FANCF: variants seen among roughly 807,000 people sequenced by gnomAD.
The protein encoded by FANCF is FA complementation group F, also known as Fanconi anemia group F protein.
For missense variants in FANCF, 552 were observed against 481.8 expected (o/e 1.15, Z -1.36); for synonymous variants, 257 against 205.9 (o/e 1.25, Z -2.13).
At position 22,622,681 on chromosome 11, in the gene FANCF, G is replaced by C. The variant is rs1858575893; in HGVS notation, c.*2005C>G. 5.3e-6 allele frequency: 1 copy of C among 189,000 alleles called. No homozygotes were observed. The highest frequency in any genetic ancestry group is 1.1e-5 in the Non-Finnish European group (1 of 90,122). The allele number at this position is 189,000 out of a possible 1,614,324, so 11.7% of individuals were successfully genotyped here. On this transcript the variant is annotated 3_prime_UTR_variant, in exon 1 of 1. Coordinates refer to ENST00000327470, the MANE Select transcript of FANCF (RefSeq NM_022725.4). ...TGCTGGACACTGTGCTAGGCTTCTG[G>C]AAATAAAATAAATGACAGATACGGC...
rs752559736 is a variant in FANCF, at chr11:22,625,421, T to C, written c.390A>G (p.Gln130=). ...GVRDADEETL[Q]ESLARLARRR... Reference sequence around the variant, plus strand: ...GGCGGGCAAGGCGGGCCAGGCTCTCTTGGAGTGTCTCCTCATCGGCGTCCC... The same window carrying C: ...GGCGGGCAAGGCGGGCCAGGCTCTCCTGGAGTGTCTCCTCATCGGCGTCCC... Residue 130 remains glutamine, a synonymous_variant, in exon 1 of 1, where the codon CAA becomes CAG. Transcript: ENST00000327470. 2 of 1,614,116 alleles carry C rather than the reference T, an allele frequency of 1.2e-6. No individual in the cohort carries two copies. The highest frequency in any genetic ancestry group is 1.7e-6 in the Non-Finnish European group (2 of 1,179,956).
chr11:22,624,775 T>A lies in FANCF; in HGVS notation c.1036A>T (p.Ile346Phe). The change falls in exon 1 of 1, where the codon ATC (isoleucine) becomes TTC (phenylalanine). Residue 346 changes from isoleucine (I) to phenylalanine (F), a missense_variant. Ile to Phe is a conservative substitution (Grantham distance 21). Transcript: ENST00000327470. ...AGAGCTAATAAGAGGTCTGTCCAGA[T>A]GCTAAGACCAGGTACTTCAAAATCT... ...DGDFEVPGLS[I>F]WTDLLLALRS... 3 of 1,614,180 alleles carry A rather than the reference T, an allele frequency of 1.9e-6. No individual in the cohort carries two copies. Among genetic ancestry groups the A allele is most frequent in the Non-Finnish European group, 2.5e-6 (3 of 1,180,026 alleles).
Position 22,625,068 on chromosome 11 carries a change from A to G in FANCF, c.743T>C (p.Phe248Ser). ...TGGGAGGGCGCGACAAAAGGCAGCA[A>G]AGACTTCCGAATTCCCCAGAAGCCA... Reference protein sequence around the residue: ...VHWLLGNSEVFAAFCRALPAG... With the variant: ...VHWLLGNSEVSAAFCRALPAG... Residue 248 changes from phenylalanine (F) to serine (S), a missense_variant, in exon 1 of 1, where the codon TTT becomes TCT. Physicochemically the swap from Phe to Ser is radical, Grantham distance 155. Transcript: ENST00000327470. 1 of 1,614,072 alleles carries G rather than the reference A, an allele frequency of 6.2e-7. No individual in the cohort carries two copies. Among genetic ancestry groups the G allele is most frequent in the Non-Finnish European group, 8.5e-7 (1 of 1,179,956 alleles).
chr11:22,625,748 G>A lies in FANCF; in HGVS notation c.63C>T (p.Thr21=). ...FSELLAVSST[T]YVSTWDPATV... Reference sequence around the variant, plus strand: ...TGGCGGGGTCCCAGGTGCTGACGTAGGTAGTGCTTGAGACCGCCAGAAGCT... The same window carrying A: ...TGGCGGGGTCCCAGGTGCTGACGTAAGTAGTGCTTGAGACCGCCAGAAGCT... The change falls in exon 1 of 1, where the codon ACC becomes ACT. Residue 21 remains threonine (T), a synonymous_variant. Transcript: ENST00000327470. 1 of 1,614,208 alleles carries A rather than the reference G, an allele frequency of 6.2e-7. No homozygotes were observed. Among genetic ancestry groups the A allele is most frequent in the Non-Finnish European group, 8.5e-7 (1 of 1,180,052 alleles).
In FANCF at chr11:22,625,360, A is replaced by C; in HGVS notation, c.451T>G (p.Tyr151Asp). The C allele has an allele frequency of 6.2e-7, 1 of 1,614,172 alleles. No homozygotes were observed. Among genetic ancestry groups the C allele is most frequent in the South Asian group, 1.1e-5 (1 of 91,086 alleles). ...SAVHMLRFNG[Y>D]RENPNLQEDS... The stretch of plus-strand genomic sequence containing the variant: ...TCCTGGAGATTTGGGTTCTCTCTAT[A>C]GCCATTGAAGCGCAGCATGTGCACC... The change falls in exon 1 of 1, where the codon TAT becomes GAT. Residue 151 changes from tyrosine (Y) to aspartate (D), a missense_variant. Tyr to Asp is a radical substitution (Grantham distance 160). Coordinates refer to ENST00000327470, the MANE Select transcript of FANCF (RefSeq NM_022725.4).
In FANCF at chr11:22,624,184, T is replaced by C. The variant is rs1389007308; in HGVS notation, c.*502A>G. The C allele has an allele frequency of 4.1e-6, 1 of 245,568 alleles. No homozygotes were observed. Among genetic ancestry groups the C allele is most frequent in the African/African-American group, 2.2e-5 (1 of 45,394 alleles). 15.2% of individuals were successfully genotyped at this position (245,568 alleles called of 1,614,324 possible). The stretch of plus-strand genomic sequence containing the variant: ...AACTTTCTGAACAATACAATTTTAA[T>C]GCATACTAAGGCTGGTTAACTGGTT... On this transcript the variant is annotated 3_prime_UTR_variant, in exon 1 of 1. Transcript: ENST00000327470.
At position 22,625,462 on chromosome 11, in the gene FANCF, G is replaced by A. The variant is rs372625322; in HGVS notation, c.349C>T (p.Pro117Ser). The change falls in exon 1 of 1, where the codon CCC (proline) becomes TCC (serine). Residue 117 changes from proline to serine, a missense_variant. Transcript: ENST00000327470. ...ARYHLVQQLF[P>S]GPGVRDADEE... Reference sequence around the variant, plus strand: ...TCGGCGTCCCGGACGCCCGGGCCGGGAAAGAGTTGCTGCACCAGGTGGTAA... The same window carrying A: ...TCGGCGTCCCGGACGCCCGGGCCGGAAAAGAGTTGCTGCACCAGGTGGTAA... The A allele has an allele frequency of 3.1e-6, 5 of 1,614,222 alleles. No individual in the cohort carries two copies. The Admixed American group carries it at 6.7e-5, about 22-fold the overall frequency.
In FANCF at chr11:22,625,588, C is replaced by T; in HGVS notation, c.223G>A (p.Gly75Ser). The change falls in exon 1 of 1, where the codon GGT (glycine) becomes AGT (serine). Residue 75 changes from glycine to serine, a missense_variant. Transcript: ENST00000327470. The stretch of plus-strand genomic sequence containing the variant: ...AAGTTCGCTAATCCCGGAACTGGAC[C>T]CCGCCCAAAGCCGCCCTCTTGCCTC... ...QWRQEGGFGR[G>S]PVPGLANFQA... 1.2e-6 allele frequency: 2 copies of T among 1,613,886 alleles called. No homozygotes were observed. The highest frequency in any genetic ancestry group is 8.5e-7 in the Non-Finnish European group (1 of 1,180,002).
Position 22,624,990 on chromosome 11 carries a change from T to TA in FANCF, c.820dup (p.Tyr274LeufsTer15). 1 of 1,614,158 alleles carries TA rather than the reference T, an allele frequency of 6.2e-7. No individual in the cohort carries two copies. Among genetic ancestry groups the TA allele is most frequent in the Non-Finnish European group, 8.5e-7 (1 of 1,180,030 alleles). On this transcript the variant is annotated frameshift_variant, in exon 1 of 1. Coordinates refer to ENST00000327470, the MANE Select transcript of FANCF (RefSeq NM_022725.4). LOFTEE classifies it low-confidence loss of function (END_TRUNC). ...ACCCCAGTCTGTTAGCAGACCCAGA[T>TA]AGACAGGAGACAGCGCTGGGTGGCG... is the stretch of plus-strand genomic sequence containing the variant.
rs368940253 is a variant in FANCF, at chr11:22,624,954, T to G, written c.857A>C (p.His286Pro). 3.7e-6 allele frequency: 6 copies of G among 1,614,062 alleles called. No homozygotes were observed. The African/African-American group carries it at 4.0e-5, about 11-fold the overall frequency. The change falls in exon 1 of 1, where the codon CAC becomes CCC. Residue 286 changes from histidine to proline, a missense_variant. Transcript: ENST00000327470. ...CCAAATGCCTTTCTGAAGGTCATAG[T>G]GCAAACGTTGACCCCAGTCTGTTAG... ...GLLTDWGQRL[H>P]YDLQKGIWVG...
At position 22,623,948 on chromosome 11, in the gene FANCF, A is replaced by C. The variant is rs76674060; in HGVS notation, c.*738T>G. On this transcript the variant is annotated 3_prime_UTR_variant, in exon 1 of 1. Transcript: ENST00000327470. Reference sequence around the variant, plus strand: ...AGAGGTTGCACTGAGCAGTGATCACACCACTGCACTCCAGTCTGGGTGACA... The same window carrying C: ...AGAGGTTGCACTGAGCAGTGATCACCCCACTGCACTCCAGTCTGGGTGACA... 6.6e-3 allele frequency: 1,391 copies of C among 211,104 alleles called. 17 individuals are homozygous for C. The highest frequency in any genetic ancestry group is 0.03 in the African/African-American group (1,305 of 44,116). 13.1% of individuals were successfully genotyped at this position (211,104 alleles called of 1,614,324 possible). A position where few individuals can be genotyped will look rare whatever the true frequency, so the allele number is the denominator to read the frequency against.
In FANCF at chr11:22,625,025, T is replaced by C. The variant is rs11026706; in HGVS notation, c.786A>G (p.Leu262=). 5,101 of 1,614,146 alleles carry C rather than the reference T, an allele frequency of 3.2e-3. 122 individuals are homozygous for C. The East Asian group carries it at 0.055, about 17-fold the overall frequency. Residue 262 remains leucine (L), a synonymous_variant, in exon 1 of 1, where the codon TTA becomes TTG. Transcript: ENST00000327470. ...CRALPAGLLT[L]VTSRHPALSP... The stretch of plus-strand genomic sequence containing the variant: ...ACAGCGCTGGGTGGCGGCTAGTCAC[T>C]AAAGTCAAAAGCCCGGCTGGGAGGG...
rs770168320 is a variant in FANCF, at chr11:22,622,717, A to T, written c.*1969T>A. 9.9e-5 allele frequency: 19 copies of T among 192,320 alleles called. No homozygotes were observed. The highest frequency in any genetic ancestry group is 2.0e-4 in the Non-Finnish European group (18 of 92,074). 11.9% of individuals were successfully genotyped at this position (192,320 alleles called of 1,614,324 possible). A position where few individuals can be genotyped will look rare whatever the true frequency, so the allele number is the denominator to read the frequency against. On this transcript the variant is annotated 3_prime_UTR_variant, in exon 1 of 1. Coordinates refer to ENST00000327470, the MANE Select transcript of FANCF (RefSeq NM_022725.4). ...AATGACAGATACGGCTTCCACTTTC[A>T]TGTTGCTTTTGTTTATACCCTTGGG...
Position 22,624,896 on chromosome 11 carries a change from C to T in FANCF, c.915G>A (p.Glu305=). Residue 305 remains glutamate (E), a synonymous_variant, in exon 1 of 1, where the codon GAG becomes GAA. Transcript: ENST00000327470. The part of the protein sequence containing the change: ...VGTESQDVPW[E]ELHNRFQSLC... ...GGCTTTGAAACCTATTGTGCAACTC[C>T]TCCCAGGGCACATCTTGGGACTCAG... 1 of 1,614,148 alleles carries T rather than the reference C, an allele frequency of 6.2e-7. No individual in the cohort carries two copies. Among genetic ancestry groups the T allele is most frequent in the Non-Finnish European group, 8.5e-7 (1 of 1,180,014 alleles).
In FANCF at chr11:22,622,816, G is replaced by A. The variant is rs961929762; in HGVS notation, c.*1870C>T. 2.6e-4 allele frequency: 49 copies of A among 190,304 alleles called. No homozygotes were observed. Among genetic ancestry groups the A allele is most frequent in the Non-Finnish European group, 5.5e-5 (5 of 90,856 alleles). The allele number at this position is 190,304 out of a possible 1,614,324, so 11.8% of individuals were successfully genotyped here. A position where few individuals can be genotyped will look rare whatever the true frequency, so the allele number is the denominator to read the frequency against. On this transcript the variant is annotated 3_prime_UTR_variant, in exon 1 of 1. Coordinates refer to ENST00000327470, the MANE Select transcript of FANCF (RefSeq NM_022725.4). ...GTGAAGATTAAATAAGATTATGTAT[G>A]TAATGAACATATGGAGACTAAAATA...
Position 22,625,587 on chromosome 11 carries a change from C to A in FANCF, c.224G>T (p.Gly75Val). 2.5e-6 allele frequency: 4 copies of A among 1,613,940 alleles called. No individual in the cohort carries two copies. Among genetic ancestry groups the A allele is most frequent in the Non-Finnish European group, 3.4e-6 (4 of 1,180,004 alleles). Residue 75 changes from glycine to valine, a missense_variant, in exon 1 of 1, where the codon GGT becomes GTT. By Grantham distance (109) the Gly-to-Val change is moderately radical. Transcript: ENST00000327470. Reference protein sequence around the residue: ...QWRQEGGFGRGPVPGLANFQA... With the variant: ...QWRQEGGFGRVPVPGLANFQA... ...GAAGTTCGCTAATCCCGGAACTGGA[C>A]CCCGCCCAAAGCCGCCCTCTTGCCT...
rs754038954 is a variant in FANCF, at chr11:22,625,625, C to T, written c.186G>A (p.Leu62=). The part of the protein sequence containing the change: ...GPIRTALERR[L]HNQWRQEGGF... ...CGCCCTCTTGCCTCCACTGGTTGTG[C>T]AGCCGCCGCTCCAGAGCCGTGCGAA... The change falls in exon 1 of 1, where the codon CTG becomes CTA. Residue 62 remains leucine (L), a synonymous_variant. Coordinates refer to ENST00000327470, the MANE Select transcript of FANCF (RefSeq NM_022725.4). 1 of 1,613,434 alleles carries T rather than the reference C, an allele frequency of 6.2e-7. No homozygotes were observed. The highest frequency in any genetic ancestry group is 8.5e-7 in the Non-Finnish European group (1 of 1,179,898).
rs544531466 is a variant in FANCF at position 22,624,317 on chromosome 11, A to G, written c.*369T>C. 34 of 340,122 alleles carry G rather than the reference A, an allele frequency of 1.0e-4. No individual in the cohort carries two copies. The highest frequency in any genetic ancestry group is 8.9e-4 in the Middle Eastern group (1 of 1,126). 21.1% of individuals were successfully genotyped at this position (340,122 alleles called of 1,614,324 possible). A position where few individuals can be genotyped will look rare whatever the true frequency, so the allele number is the denominator to read the frequency against. On this transcript the variant is annotated 3_prime_UTR_variant, in exon 1 of 1. Transcript: ENST00000327470. ...AAAACTCTTCACTACTGAGGGAGGG[A>G]CAGAAAACCTAGAAAAATAAACCAT...
Position 22,625,788 on chromosome 11 carries a change from A to C in FANCF, c.23T>G (p.Leu8Arg), listed in dbSNP as rs777808759. Residue 8 changes from leucine (L) to arginine (R), a missense_variant, in exon 1 of 1, where the codon CTG (leucine) becomes CGG (arginine). Coordinates refer to ENST00000327470, the MANE Select transcript of FANCF (RefSeq NM_022725.4). MESLLQHLDRFSELLAVS... is the reference protein window; with the variant it reads MESLLQHRDRFSELLAVS... ...CGCCAGAAGCTCGGAAAAGCGATCC[A>C]GGTGCTGCAGAAGGGATTCCATGAG... 2.5e-6 allele frequency: 4 copies of C among 1,614,012 alleles called. No homozygotes were observed. Among genetic ancestry groups the C allele is most frequent in the Admixed American group, 3.3e-5 (2 of 60,008 alleles).
Sources: allele counts gnomAD v4.1 joint callset, GRCh38; gene constraint gnomAD v4.1.1; transcripts MANE v1.5; gene names NCBI Gene and HGNC (gene_info 2026-07-23, HGNC 2026-07-21).